The following FBXO34 variants were observed in gnomAD, a reference collection of about 807,000 sequenced individuals.
FBXO34 encodes the protein F-box protein 34, also known as F-box only protein 34.
Under a neutral mutation model 24.5 loss-of-function variants are expected in FBXO34, and 12 were observed. The ratio of observed to expected loss-of-function variants is 0.49; its 90% confidence interval spans 0.31 to 0.79. FBXO34 has a LOEUF of 0.79. Ranked by LOEUF, FBXO34 falls within the 30% of genes least tolerant of loss-of-function variation. FBXO34 has a pLI of 0.04. For missense variants in FBXO34, 823 were observed against 857.7 expected, an observed-to-expected ratio of 0.96 and a Z score of 0.51; for synonymous variants, 320 against 311.9, an observed-to-expected ratio of 1.03 and a Z score of -0.27.
At chr14:55,285,969 A>G (rs1211297718) in intron 1 of FBXO34, among the ~76,000 whole-genome samples, 2 of 152,218 alleles carry the variant, frequency 1.3e-5, no homozygotes, top group African/African-American at 4.8e-5. Flanking sequence ...AATACCCTCT[A>G]TCTTTAGATG....
At position 55,351,664 on chromosome 14, in the gene FBXO34, C is replaced by G. The variant is rs753571207; in HGVS notation, c.1274C>G (p.Ser425Cys). 1 of 1,614,204 alleles carries G rather than the reference C, an allele frequency of 6.2e-7. No individual in the cohort carries two copies. The highest frequency in any genetic ancestry group is 8.5e-7 in the Non-Finnish European group (1 of 1,180,038). Residue 425 changes from serine (S) to cysteine (C), a missense_variant, in exon 2 of 2, where the codon TCT (serine) becomes TGT (cysteine). Ser to Cys is a moderately radical substitution (Grantham distance 112). This residue lies in a region of FBXO34 where 693 missense variants were observed against 659.1 expected (regional missense o/e 1.05). Transcript: ENST00000313833. ...TCCTCTCATACCTATTCCCAAGCCT[C>G]TGAATTGCCCACAGATGCTGTTGAT... ...PFSSHTYSQA[S>C]ELPTDAVDCM...
the FBXO34 span, among the ~76,000 whole-genome samples, chr14:55,407,299 T>C: frequency 2.0e-5 from 3 of 152,100 alleles, no homozygotes; most frequent in Admixed American, 1.3e-4. Flanking sequence ...CCCAGCTAAT[T>C]TTTGTATTTT....
chr14:55,394,068 G>A, the FBXO34 span, among the ~76,000 whole-genome samples: 13 of 149,390 alleles, frequency 8.7e-5, no homozygotes, highest in Middle Eastern at 3.4e-3. Flanking sequence ...GTACAGTGGC[G>A]CAATCTCGGC....
chr14:55,300,331 G>A (rs1002510252), intron 1 of FBXO34, among the ~76,000 whole-genome samples: 1 of 152,162 alleles, frequency 6.6e-6, no homozygotes, highest in Non-Finnish European at 1.5e-5. Context: ...GGTGGCTCAC[G>A]CCTGCAATCC....
chr14:55,432,136 A>G, the FBXO34 span, among the ~76,000 whole-genome samples: 1 of 151,982 alleles, frequency 6.6e-6, no homozygotes, highest in Admixed American at 6.6e-5. Context: ...GGCCAGATGT[A>G]GTAGCTCACG....
the FBXO34 span, among the ~76,000 whole-genome samples, chr14:55,419,770 CTG>C: frequency 1.3e-5 from 2 of 152,226 alleles, no homozygotes; most frequent in African/African-American, 4.8e-5. Context: ...TGCCACACAT[CTG>C]TACTATGGGC....
the FBXO34 span, among the ~76,000 whole-genome samples, chr14:55,422,084 A>C: frequency 6.6e-6 from 1 of 152,218 alleles, no homozygotes; most frequent in Admixed American, 6.5e-5. Context: ...TAGGATTATA[A>C]TAGGATAAAC....
chr14:55,395,904 T>TA, the FBXO34 span: 1 of 1,460,682 alleles, frequency 6.8e-7, no homozygotes, highest in Non-Finnish European at 9.1e-7. Context: ...TAAAAACATG[T>TA]AGCCTCAAGT....
At chr14:55,366,499 ACTGTGAGGAGATT>A (rs1341838586), downstream of FBXO34, 1 of 152,642 alleles carries the variant, frequency 6.6e-6, no homozygotes, top group African/African-American at 2.4e-5. Context: ...GCAACATGAT[ACTGTGAGGAGATT>A]CTCGGACACT....
At chr14:55,395,031 G>A in the FBXO34 span, 1 of 479,920 alleles carries the variant, frequency 2.1e-6, no homozygotes, top group Non-Finnish European at 4.2e-6. Flanking sequence ...CAGTTTCTTG[G>A]TTAGCCACTT....
the FBXO34 span, among the ~76,000 whole-genome samples, chr14:55,437,495 A>G: frequency 1.3e-5 from 2 of 152,232 alleles, no homozygotes; most frequent in African/African-American, 2.4e-5. Flanking sequence ...ATTCTATTAC[A>G]GTTACAGCAC....
chr14:55,395,845 C>G, the FBXO34 span: 1 of 945,288 alleles, frequency 1.1e-6, no homozygotes, highest in East Asian at 3.1e-5. Flanking sequence ...CTGCTAAATA[C>G]GATTTTTAAA....
the FBXO34 span, among the ~76,000 whole-genome samples, chr14:55,440,933 G>A: frequency 1.1e-4 from 16 of 152,278 alleles, no homozygotes; most frequent in African/African-American, 3.1e-4. Flanking sequence ...TGCAACCTCC[G>A]CCTCCCGGGT....
At chr14:55,392,779 A>T in the FBXO34 span, among the ~76,000 whole-genome samples, 2 of 152,212 alleles carry the variant, frequency 1.3e-5, no homozygotes, top group Non-Finnish European at 2.9e-5. Context: ...CACTTATCTA[A>T]GTAGTCTGAT....
At chr14:55,303,587 C>T (rs1882437391) in intron 1 of FBXO34, among the ~76,000 whole-genome samples, 1 of 144,198 alleles carries the variant, frequency 6.9e-6, no homozygotes, top group South Asian at 2.3e-4. Context: ...TCCCCTCTCC[C>T]ATTCTTATCT....
At chr14:55,369,963 C>G, downstream of FBXO34, 1 of 1,530,788 alleles carries the variant, frequency 6.5e-7, no homozygotes, top group South Asian at 1.3e-5. Context: ...AGGATAACAA[C>G]CATTCTCAAC....
At position 55,353,370 on chromosome 14, in the gene FBXO34, T is replaced by C. The variant is rs1032607139; in HGVS notation, c.*844T>C. ...AACTATGAATGTTTCCTGTATAATA[T>C]ATGAATGTTTCTGAGAAGAAACTCT... is the stretch of plus-strand genomic sequence containing the variant. On this transcript the variant is annotated 3_prime_UTR_variant, in exon 2 of 2. Coordinates refer to ENST00000313833, the MANE Select transcript of FBXO34 (RefSeq NM_017943.4). 8 of 167,022 alleles carry C rather than the reference T, an allele frequency of 4.8e-5. No homozygotes were observed. The highest frequency in any genetic ancestry group is 7.3e-5 in the Non-Finnish European group (5 of 68,106). The allele number at this position is 167,022 out of a possible 1,614,324, so 10.3% of individuals were successfully genotyped here.
the FBXO34 span, among the ~76,000 whole-genome samples, chr14:55,426,926 G>A: frequency 6.7e-6 from 1 of 150,212 alleles, no homozygotes; most frequent in South Asian, 2.1e-4. Flanking sequence ...GAAATGAATG[G>A]ACACTTGGGA....
At chr14:55,299,079 A>G (rs878900963) in intron 1 of FBXO34, 1 of 1,479,316 alleles carries the variant, frequency 6.8e-7, no homozygotes, top group East Asian at 2.3e-5. Context: ...GTTTGGAGAA[A>G]AGTCTGACGA....
Sources: allele counts gnomAD v4.1 joint callset (sites outside exome capture counted in the v4.1 genomes callset), GRCh38; gene constraint gnomAD v4.1.1; regional missense constraint gnomAD v4.1.1; transcripts MANE v1.5; gene names NCBI Gene and HGNC (gene_info 2026-07-23, HGNC 2026-07-21).